Variants in PPP2R5C observed in about 807,000 individuals in gnomAD.
PPP2R5C encodes the protein serine/threonine-protein phosphatase 2A 56 kDa regulatory subunit gamma isoform.
PPP2R5C carries 7 observed loss-of-function variants against 68.9 expected under a neutral mutation model. That is an observed-to-expected ratio of 0.10 (90% CI 0.06 to 0.19). PPP2R5C has a LOEUF of 0.19. Among genes scored for constraint, PPP2R5C ranks in the 10% least tolerant of loss-of-function variants. PPP2R5C has a pLI of 1.00. For missense variants in PPP2R5C, 348 were observed against 641.3 expected (o/e 0.54, Z 4.94); for synonymous variants, 210 against 222.2 (o/e 0.95, Z 0.49).
At chr14:101,869,278 T>G in intron 2 of PPP2R5C, among the ~76,000 whole-genome samples, 1 of 152,270 alleles carries the variant, frequency 6.6e-6, no homozygotes, top group South Asian at 2.1e-4. Flanking sequence ...TTGTTCCTTT[T>G]CCTTCTCAGT....
At chr14:101,838,152 A>T (rs1350747537) in intron 1 of PPP2R5C, among the ~76,000 whole-genome samples, 1 of 152,258 alleles carries the variant, frequency 6.6e-6, no homozygotes, top group Non-Finnish European at 1.5e-5. Context: ...AGCAGAAATG[A>T]ATCAACTAAG....
Position 101,865,911 on chromosome 14 carries a change from CT to C in PPP2R5C, c.294+9034del, listed in dbSNP as rs550089589. 4.5e-3 allele frequency among the ~76,000 whole-genome samples: 679 copies of C among 152,134 alleles called. 4 individuals carry two copies. The highest frequency in any genetic ancestry group is 6.8e-3 in the Non-Finnish European group (463 of 67,978). On this transcript the variant is annotated intron_variant, in intron 2 of 13. Coordinates refer to ENST00000334743, the Ensembl canonical transcript of PPP2R5C. ...ACTCTGATATCTTGAGGTTACTTAA[CT>C]TTTTTTTGAGACAGAGTCTTTCTCT...
intron 2 of PPP2R5C, among the ~76,000 whole-genome samples, chr14:101,864,610 C>T (rs1419147918): frequency 2.6e-5 from 4 of 152,126 alleles, no homozygotes; most frequent in African/African-American, 9.7e-5. Flanking sequence ...GGCCTCTCTA[C>T]ACCAGCGGCC....
chr14:101,883,667 AG>A, intron 5 of PPP2R5C, 105 bp downstream of exon 7: 3 of 1,412,978 alleles, frequency 2.1e-6, no homozygotes, highest in South Asian at 1.3e-5. Context: ...CAGCATGTGG[AG>A]GGGGTTTCTC....
At chr14:101,764,300 A>G (rs992748944) in intron 2 of PPP2R5C, among the ~76,000 whole-genome samples, 3 of 152,198 alleles carry the variant, frequency 2.0e-5, no homozygotes, top group African/African-American at 7.2e-5. Flanking sequence ...GGTCCTTTTG[A>G]ATCCATGGGT....
intron 3 of PPP2R5C, among the ~76,000 whole-genome samples, chr14:101,788,650 A>T (rs959439114): frequency 2.6e-5 from 4 of 152,216 alleles, no homozygotes; most frequent in African/African-American, 9.6e-5. Flanking sequence ...GTAAATCCAC[A>T]TATCCAGGAG....
chr14:101,771,222 C>CGTGTTT (rs1555378272), intron 2 of PPP2R5C, among the ~76,000 whole-genome samples: 2 of 135,396 alleles, frequency 1.5e-5, no homozygotes, highest in African/African-American at 5.7e-5. Flanking sequence ...TTCTTCATCT[C>CGTGTTT]GTGTGTGTGT....
intron 1 of PPP2R5C, among the ~76,000 whole-genome samples, chr14:101,834,367 C>G (rs2040950190): frequency 6.6e-6 from 1 of 152,194 alleles, no homozygotes; most frequent in Non-Finnish European, 1.5e-5. Flanking sequence ...GGACCCTCTT[C>G]AAGCCAAACA....
In PPP2R5C at chr14:101,891,582, C is replaced by T. The variant is rs539593687; in HGVS notation, c.689+1286C>T. 1.3e-5 allele frequency among the ~76,000 whole-genome samples: 2 copies of T among 152,286 alleles called. No homozygotes were observed. The highest frequency in any genetic ancestry group is 2.1e-4 in the South Asian group (1 of 4,814). On this transcript the variant is annotated intron_variant, in intron 6 of 13. Coordinates refer to ENST00000334743, the Ensembl canonical transcript of PPP2R5C. This position sits in a 1 kb window ranked among gnomAD's most constrained non-coding sequence, Gnocchi z 4.9. ...GCTGTATGACATGTGTTCCACAGCCCGCCATGCCGTGTGCGTAGGGCCCCC... is the reference window on the plus strand; with the variant it reads ...GCTGTATGACATGTGTTCCACAGCCTGCCATGCCGTGTGCGTAGGGCCCCC...
rs1462659583 is a variant in PPP2R5C at position 101,764,030 on chromosome 14, G to GC, written c.93+1060_93+1061insC. On this transcript the variant is annotated intron_variant, in intron 2 of 14. Coordinates refer to the PPP2R5C transcript ENST00000328724. ...GTGTGTGTGTGTGTGTGTGTGTGTG[G>GC]GCGCGCGCACTTGCGCGTCGGCCAC... Among the ~76,000 whole-genome samples, 1,136 of 146,252 alleles carry GC rather than the reference G, an allele frequency of 7.8e-3. 19 individuals carry two copies. The highest frequency in any genetic ancestry group is 0.025 in the African/African-American group (989 of 39,414).
chr14:101,847,466 C>G (rs2041899275), intron 1 of PPP2R5C, among the ~76,000 whole-genome samples: 1 of 152,150 alleles, frequency 6.6e-6, no homozygotes, highest in Admixed American at 6.5e-5. Context: ...GGTTCCTGTT[C>G]TCCCTGAGCC....
chr14:101,828,514 G>A (rs2040539445), intron 1 of PPP2R5C, among the ~76,000 whole-genome samples: 1 of 152,048 alleles, frequency 6.6e-6, no homozygotes, highest in Non-Finnish European at 1.5e-5. Context: ...AGGATACTCT[G>A]TATGCTTGTA....
intron 1 of PPP2R5C, among the ~76,000 whole-genome samples, chr14:101,827,995 A>C (rs1325686190): frequency 1.3e-5 from 2 of 152,198 alleles, no homozygotes; most frequent in African/African-American, 4.8e-5. Context: ...TTAGGATGAT[A>C]GCCCAGTGTC....
At chr14:101,890,391 C>A in intron 6 of PPP2R5C, 95 bp downstream of exon 8, 2 of 1,165,138 alleles carry the variant, frequency 1.7e-6, no homozygotes, top group Non-Finnish European at 2.5e-6. Context: ...TAAAGCAAGG[C>A]AGTTTAAACC....
chr14:101,882,301 G>A lies in PPP2R5C; in HGVS notation c.405+30G>A, dbSNP rs2044214804. 6.5e-7 allele frequency: 1 copy of A among 1,535,746 alleles called. No homozygotes were observed. The highest frequency in any genetic ancestry group is 8.9e-7 in the Non-Finnish European group (1 of 1,120,830). ...CGGGCTCTGGGTGATAGACTCGGAG[G>A]GCACTGGTGACACATGGGAATGGCC... On this transcript the variant is annotated intron_variant, in intron 3 of 13. Transcript: ENST00000334743. This position sits in a 1 kb window ranked among gnomAD's most constrained non-coding sequence, Gnocchi z 4.9.
intron 2 of PPP2R5C, among the ~76,000 whole-genome samples, chr14:101,863,696 A>T (rs2042893537): frequency 6.6e-6 from 1 of 152,134 alleles, no homozygotes; most frequent in South Asian, 2.1e-4. Context: ...TGGGAGTTCT[A>T]AACCAGCCTG....
chr14:101,917,808 C>G lies in PPP2R5C; in HGVS notation c.1327-23C>G. 1 of 1,612,266 alleles carries G rather than the reference C, an allele frequency of 6.2e-7. No individual in the cohort carries two copies. Among genetic ancestry groups the G allele is most frequent in the Non-Finnish European group, 8.5e-7 (1 of 1,178,898 alleles). On this transcript the variant is annotated intron_variant, in intron 12 of 13. Transcript: ENST00000334743. The surrounding 1 kb of genome is among the most constrained non-coding windows in gnomAD (Gnocchi z 4.4). ...TTCAGAGCCTGGGCACCTAACAGAG[C>G]GACTCCACGCTTTGCATTGCAGTAC...
At chr14:101,823,895 A>G (rs2040238574) in intron 1 of PPP2R5C, 1 of 1,270,478 alleles carries the variant, frequency 7.9e-7, no homozygotes, top group Non-Finnish European at 1.0e-6. Context: ...AGTTGATCTT[A>G]TGGTGTCATC....
intron 2 of PPP2R5C, among the ~76,000 whole-genome samples, chr14:101,774,156 C>A (rs1206765761): frequency 1.3e-5 from 2 of 152,330 alleles, no homozygotes; most frequent in East Asian, 3.9e-4. Context: ...TTTCTTTGTT[C>A]ACACAGGCAA....
Sources: allele counts gnomAD v4.1 joint callset (sites outside exome capture counted in the v4.1 genomes callset), GRCh38; gene constraint gnomAD v4.1.1; non-coding constraint Gnocchi (gnomAD v3.1); transcripts MANE v1.5; gene names NCBI Gene and HGNC (gene_info 2026-07-23, HGNC 2026-07-21).